The following FRY variants were observed in gnomAD, a reference collection of about 807,000 sequenced individuals.
The protein encoded by FRY is protein furry homolog.
A neutral mutation model predicts 348.4 loss-of-function variants in FRY; 128 were observed. The observed-to-expected ratio is 0.37, with a 90% CI of 0.32 to 0.43. The LOEUF (loss-of-function observed/expected upper bound fraction) is 0.43, where lower values mean the gene tolerates loss of function less well. Ranked by LOEUF, FRY falls within the 20% of genes least tolerant of loss-of-function variation. The pLI is 1.00. For missense variants in FRY, 2,736 were observed against 3,695.2 expected (o/e 0.74, Z 6.73); for synonymous variants, 1,370 against 1,374.7 (o/e 1.00, Z 0.08).
intron 60 of FRY, 62 bp downstream of exon 60, chr13:32,294,632 C>A (rs1889541766): frequency 1.6e-6 from 2 of 1,287,450 alleles, no homozygotes; most frequent in Non-Finnish European, 2.3e-6. Flanking sequence ...GTTACTCTGT[C>A]ATGGTTGGAG....
Position 32,298,165 on chromosome 13 carries a change from CAG to C in FRY, c.*2708_*2709del. 1 of 152,132 alleles carries C rather than the reference CAG, an allele frequency of 6.6e-6. No homozygotes were observed. The highest frequency in any genetic ancestry group is 1.9e-4 in the East Asian group (1 of 5,188). The allele number at this position is 152,132 out of a possible 1,614,324, so 9.4% of individuals were successfully genotyped here. A position where few individuals can be genotyped will look rare whatever the true frequency, so the allele number is the denominator to read the frequency against. ...GGCATCACACACATGCGTGAACATC[CAG>C]AGTTAGGTCTCAAGGCTCTTCTGGT... On this transcript the variant is annotated 3_prime_UTR_variant, in exon 61 of 61. Coordinates refer to ENST00000542859, the MANE Select transcript of FRY (RefSeq NM_023037.3).
intron 29 of FRY, among the ~76,000 whole-genome samples, chr13:32,200,259 G>A (rs1254089468): frequency 6.6e-6 from 1 of 152,116 alleles, no homozygotes; most frequent in Non-Finnish European, 1.5e-5. Flanking sequence ...CCAAAGCAGT[G>A]ATTGTTCTAA....
At chr13:32,264,106 T>G (rs1463065605) in intron 53 of FRY, among the ~76,000 whole-genome samples, 1 of 152,212 alleles carries the variant, frequency 6.6e-6, no homozygotes, top group East Asian at 1.9e-4. Flanking sequence ...TTAAGTTGCA[T>G]TTCTGCAGTG....
At chr13:32,075,269 TC>T in intron 1 of FRY, among the ~76,000 whole-genome samples, 1 of 152,310 alleles carries the variant, frequency 6.6e-6, no homozygotes, top group South Asian at 2.1e-4. Context: ...TTTTTACCTT[TC>T]TGTGAGACTT....
Position 32,239,388 on chromosome 13 carries a change from G to GT in FRY, c.6516+39_6516+40insT. 10 of 1,244,744 alleles carry GT rather than the reference G, an allele frequency of 8.0e-6. No homozygotes were observed. The highest frequency in any genetic ancestry group is 1.2e-5 in the Non-Finnish European group (10 of 842,504). 77.1% of individuals were successfully genotyped at this position (1,244,744 alleles called of 1,614,324 possible). A position where few individuals can be genotyped will look rare whatever the true frequency, so the allele number is the denominator to read the frequency against. On this transcript the variant is annotated intron_variant, in intron 45 of 60. Transcript: ENST00000542859. This position sits in a 1 kb window ranked among gnomAD's most constrained non-coding sequence, Gnocchi z 4.3. ...TTCCACACTCAGGCAGATCCATAGA[G>GT]GCCTTCAGGACGCCCTAGTGTCAGG...
intron 1 of FRY, among the ~76,000 whole-genome samples, chr13:32,052,841 C>A (rs1331891462): frequency 6.6e-6 from 1 of 152,138 alleles, no homozygotes; most frequent in Non-Finnish European, 1.5e-5. Context: ...TGGCTGGGCA[C>A]GATGGCTAAT....
chr13:32,142,817 C>T (rs1163734287), intron 11 of FRY, among the ~76,000 whole-genome samples: 25 of 152,082 alleles, frequency 1.6e-4, no homozygotes, highest in East Asian at 1.9e-4. Context: ...GTATGGTAGT[C>T]ACTGAGGACA....
At chr13:32,069,876 C>A (rs891892787) in intron 1 of FRY, among the ~76,000 whole-genome samples, 3 of 151,596 alleles carry the variant, frequency 2.0e-5, no homozygotes, top group South Asian at 2.1e-4. Context: ...CCCCCACCCC[C>A]CAAGAGGCCC....
At chr13:32,096,440 G>GGA (rs1555252439) in intron 2 of FRY, among the ~76,000 whole-genome samples, 1 of 151,732 alleles carries the variant, frequency 6.6e-6, no homozygotes. Flanking sequence ...AAAACTGCGG[G>GGA]GGGGGGCTTC....
chr13:32,113,436 T>C (rs930910922), intron 3 of FRY, among the ~76,000 whole-genome samples: 5 of 152,232 alleles, frequency 3.3e-5, no homozygotes, highest in Non-Finnish European at 7.3e-5. Context: ...AGCATAACAG[T>C]CTCTTTTGGC....
At chr13:32,163,098 A>G (rs529527348) in intron 17 of FRY, among the ~76,000 whole-genome samples, 2 of 152,310 alleles carry the variant, frequency 1.3e-5, no homozygotes, top group East Asian at 3.9e-4. Flanking sequence ...AATAAAGAAA[A>G]GCTGTGAGAC....
chr13:32,251,892 G>A lies in FRY; in HGVS notation c.7185G>A (p.Glu2395=). The A allele has an allele frequency of 1.2e-6, 2 of 1,612,660 alleles. No homozygotes were observed. Among genetic ancestry groups the A allele is most frequent in the Non-Finnish European group, 8.5e-7 (1 of 1,178,660 alleles). The change falls in exon 50 of 61, where the codon GAG becomes GAA. Residue 2395 remains glutamate (E), a synonymous_variant. Transcript: ENST00000542859. ...RPQYSQKRTK[E]KLVHVLSLCG... is the part of the protein sequence containing the mutation. Reference sequence around the variant, plus strand: ...TTCTTTTCCAGAAGAGAACAAAAGAGAAGTTGGTACATGTCCTTTCTCTGT... The same window carrying A: ...TTCTTTTCCAGAAGAGAACAAAAGAAAAGTTGGTACATGTCCTTTCTCTGT...
At chr13:32,094,077 TG>T (rs1876517882) in intron 2 of FRY, among the ~76,000 whole-genome samples, 1 of 152,242 alleles carries the variant, frequency 6.6e-6, no homozygotes, top group Non-Finnish European at 1.5e-5. Context: ...GTGCTAATTT[TG>T]CTTTACTACT....
chr13:32,065,358 T>G (rs1410721371), intron 1 of FRY, among the ~76,000 whole-genome samples: 1 of 151,964 alleles, frequency 6.6e-6, no homozygotes, highest in Non-Finnish European at 1.5e-5. Context: ...CAGGCTGGAG[T>G]GCAGTGGCAC....
At chr13:32,158,951 CAAA>C (rs35585320) in intron 16 of FRY, among the ~76,000 whole-genome samples, 865 of 32,828 alleles carry the variant, frequency 0.026, 25 homozygotes, top group African/African-American at 0.086. Flanking sequence ...GCTGTTTCCT[CAAA>C]AAAAAAAAAA....
chr13:32,256,407 T>A (rs1310792311), intron 51 of FRY, among the ~76,000 whole-genome samples: 1 of 151,868 alleles, frequency 6.6e-6, no homozygotes, highest in East Asian at 1.9e-4. Context: ...TGATAGCACA[T>A]GCCTGTGGTC....
intron 29 of FRY, among the ~76,000 whole-genome samples, chr13:32,200,523 A>G (rs1481547992): frequency 6.6e-6 from 1 of 152,162 alleles, no homozygotes; most frequent in Non-Finnish European, 1.5e-5. Flanking sequence ...GGAGGTGAAG[A>G]CAGCAGTGAG....
At chr13:32,265,304 C>T (rs1407062573) in intron 53 of FRY, 146 bp from the exon 54 acceptor site, 14 of 746,440 alleles carry the variant, frequency 1.9e-5, no homozygotes, top group Middle Eastern at 3.3e-4. Context: ...AGCCTAGAAA[C>T]GGACTATACT....
At chr13:32,130,088 T>C in intron 7 of FRY, among the ~76,000 whole-genome samples, 1 of 142,280 alleles carries the variant, frequency 7.0e-6, no homozygotes, top group Non-Finnish European at 1.5e-5. Context: ...TGAGACAGAG[T>C]CTTACTCTAT....
Sources: allele counts gnomAD v4.1 joint callset (sites outside exome capture counted in the v4.1 genomes callset), GRCh38; gene constraint gnomAD v4.1.1; non-coding constraint Gnocchi (gnomAD v3.1); transcripts MANE v1.5; gene names NCBI Gene and HGNC (gene_info 2026-07-23, HGNC 2026-07-21).